The following LPCAT2 variants were observed in gnomAD, a reference collection of about 807,000 sequenced individuals.
LPCAT2 encodes the protein lysophosphatidylcholine acyltransferase 2.
In LPCAT2, 58 loss-of-function variants were observed where a neutral mutation model predicts 64.7. The ratio of observed to expected loss-of-function variants is 0.90; its 90% CI spans 0.73 to 1.12. The LOEUF (loss-of-function observed/expected upper bound fraction) is 1.12, where lower values mean the gene tolerates loss of function less well. Ranked by LOEUF, LPCAT2 falls within the 50% of genes most tolerant of loss-of-function variation. The probability of loss-of-function intolerance (pLI) is 0.00; values close to 1 mark genes in which losing one functional copy is unlikely to be tolerated. For synonymous variants in LPCAT2, 252 were observed against 245.3 expected, an observed-to-expected ratio of 1.03 and a Z score of -0.26; for missense variants, 579 against 669.8, an observed-to-expected ratio of 0.86 and a Z score of 1.50.
At position 55,509,168 on chromosome 16, in the gene LPCAT2, C is replaced by T. The variant is rs1371165481; in HGVS notation, c.-14C>T. ...CGTAGATCGCTTCGGCCGGGTTCTA[C>T]GCCCGGCTCAACTATGAGCCGGTGC... On this transcript the variant is annotated 5_prime_UTR_variant, in exon 1 of 14. The change creates a new upstream start codon in the 5' untranslated region. Coordinates refer to ENST00000262134, the MANE Select transcript of LPCAT2 (RefSeq NM_017839.5). 4 of 1,337,536 alleles carry T rather than the reference C, an allele frequency of 3.0e-6. No individual in the cohort carries two copies. Among genetic ancestry groups the T allele is most frequent in the Non-Finnish European group, 1.9e-6 (2 of 1,039,818 alleles). The allele number at this position is 1,337,536 out of a possible 1,614,324, so 82.9% of individuals were successfully genotyped here. A position where few individuals can be genotyped will look rare whatever the true frequency, so the allele number is the denominator to read the frequency against.
At chr16:55,516,733 T>C (rs1052816802) in intron 1 of LPCAT2, among the ~76,000 whole-genome samples, 1 of 152,074 alleles carries the variant, frequency 6.6e-6, no homozygotes, top group Non-Finnish European at 1.5e-5. Flanking sequence ...GGTAGAACAA[T>C]GAGACAGTAT....
chr16:55,558,160 C>G (rs1380106847), intron 11 of LPCAT2, among the ~76,000 whole-genome samples: 1 of 152,216 alleles, frequency 6.6e-6, no homozygotes, highest in Non-Finnish European at 1.5e-5. Flanking sequence ...TGGTTTAAAA[C>G]AATGACTTCT....
intron 1 of LPCAT2, among the ~76,000 whole-genome samples, chr16:55,517,036 T>C (rs1489322935): frequency 6.6e-6 from 1 of 151,886 alleles, no homozygotes; most frequent in African/African-American, 2.4e-5. Flanking sequence ...AACCAGTGAT[T>C]CCAAAGTAAT....
intron 11 of LPCAT2, chr16:55,567,529 T>G (rs368186212): frequency 6.9e-6 from 11 of 1,599,292 alleles, no homozygotes; most frequent in South Asian, 3.4e-5. Context: ...GTCAAGATCC[T>G]CCCTGGAGGA....
chr16:55,582,768 G>T, intron 13 of LPCAT2, 146 bp from the exon 14 acceptor site: 1 of 594,512 alleles, frequency 1.7e-6, no homozygotes, highest in Non-Finnish European at 2.9e-6. Flanking sequence ...CAAAGTGGTT[G>T]TACAACTTAT....
chr16:55,567,765 G>T, intron 11 of LPCAT2: 1 of 380,662 alleles, frequency 2.6e-6, no homozygotes, highest in Non-Finnish European at 4.9e-6. Flanking sequence ...GGGAGGTTGT[G>T]GGGTAGAGTT....
chr16:55,556,630 T>A (rs1218900409), intron 11 of LPCAT2, among the ~76,000 whole-genome samples: 2 of 151,946 alleles, frequency 1.3e-5, no homozygotes, highest in East Asian at 1.9e-4. Context: ...ACAAAAAAAA[T>A]TAGGTGGGCG....
intron 11 of LPCAT2, among the ~76,000 whole-genome samples, chr16:55,562,751 A>G (rs1314757312): frequency 6.6e-6 from 1 of 151,810 alleles, no homozygotes; most frequent in Non-Finnish European, 1.5e-5. Context: ...CGATATTATT[A>G]TTATCATTTT....
chr16:55,531,854 G>T lies in LPCAT2; in HGVS notation c.643-60G>T. 3 of 1,074,724 alleles carry T rather than the reference G, an allele frequency of 2.8e-6. No homozygotes were observed. The South Asian group carries it at 4.0e-5, about 14-fold the overall frequency. 66.6% of individuals were successfully genotyped at this position (1,074,724 alleles called of 1,614,324 possible). A position where few individuals can be genotyped will look rare whatever the true frequency, so the allele number is the denominator to read the frequency against. On this transcript the variant is annotated intron_variant, in intron 4 of 13. Transcript: ENST00000262134. ...GCTGTTTGTGAAGTCATAAGAAAGC[G>T]AGTAAAGAGGTAATTTATTAATTAG...
In LPCAT2 at chr16:55,583,127, GTAGCTTT is replaced by G; in HGVS notation, c.*31_*37del. On this transcript the variant is annotated 3_prime_UTR_variant, in exon 14 of 14. Coordinates refer to ENST00000262134, the MANE Select transcript of LPCAT2 (RefSeq NM_017839.5). ...CAGTATTTCCAATAAGGAAAACACA[GTAGCTTT>G]TGCTTGAAATTGTAAAGGCACTTAT... 1 of 1,539,834 alleles carries G rather than the reference GTAGCTTT, an allele frequency of 6.5e-7. No homozygotes were observed. The highest frequency in any genetic ancestry group is 8.8e-7 in the Non-Finnish European group (1 of 1,132,158).
At chr16:55,538,737 A>C (rs1963357466) in intron 8 of LPCAT2, 1 of 148,520 alleles carries the variant, frequency 6.7e-6, no homozygotes, top group Admixed American at 6.7e-5. Flanking sequence ...TTTTTCTTAG[A>C]GGTTCCTGGG....
chr16:55,571,786 A>G (rs1963773152), intron 11 of LPCAT2, among the ~76,000 whole-genome samples: 1 of 152,202 alleles, frequency 6.6e-6, no homozygotes, highest in South Asian at 2.1e-4. Context: ...GTTTTGGGGT[A>G]CATTTTATCA....
chr16:55,564,771 C>G (rs1389835314), intron 11 of LPCAT2, among the ~76,000 whole-genome samples: 1 of 151,958 alleles, frequency 6.6e-6, no homozygotes, highest in Non-Finnish European at 1.5e-5. Flanking sequence ...AGCTTCATGA[C>G]ACTGGATTTC....
chr16:55,575,257 A>G (rs1218859199), intron 12 of LPCAT2, among the ~76,000 whole-genome samples: 1 of 152,168 alleles, frequency 6.6e-6, no homozygotes, highest in Admixed American at 6.5e-5. Flanking sequence ...TCACAGCAAT[A>G]CAGGGATCTA....
At position 55,574,645 on chromosome 16, in the gene LPCAT2, C is replaced by A; in HGVS notation, c.1230C>A (p.Ser410Arg). 1 of 1,612,868 alleles carries A rather than the reference C, an allele frequency of 6.2e-7. No homozygotes were observed. ...FALFDRNHDG[S>R]IDFREYVIGL... The stretch of plus-strand genomic sequence containing the variant: ...TCCTTTCACAGAACCATGATGGCAG[C>A]ATTGACTTCCGAGAGTATGTGATTG... The change falls in exon 12 of 14, where the codon AGC becomes AGA. Residue 410 changes from serine (S) to arginine (R), a missense_variant. Physicochemically the swap from Ser to Arg is moderately radical, Grantham distance 110. Coordinates refer to ENST00000262134, the MANE Select transcript of LPCAT2 (RefSeq NM_017839.5).
At chr16:55,534,406 C>T (rs770687507) in intron 6 of LPCAT2, 37 bp from the exon 7 acceptor site, 2 of 1,355,138 alleles carry the variant, frequency 1.5e-6, no homozygotes, top group Admixed American at 1.8e-5. Context: ...AGTATTTTTC[C>T]TCCAGACCAA....
Position 55,509,337 on chromosome 16 carries a change from C to T in LPCAT2, c.156C>T (p.Ser52=). 1 of 1,439,234 alleles carries T rather than the reference C, an allele frequency of 6.9e-7. No individual in the cohort carries two copies. Among genetic ancestry groups the T allele is most frequent in the Non-Finnish European group, 9.2e-7 (1 of 1,084,640 alleles). The allele number at this position is 1,439,234 out of a possible 1,614,324, so 89.2% of individuals were successfully genotyped here. The change falls in exon 1 of 14, where the codon TCC becomes TCT. Residue 52 remains serine, a synonymous_variant. Coordinates refer to ENST00000262134, the MANE Select transcript of LPCAT2 (RefSeq NM_017839.5). ...NPFVQQTQIG[S]ARRVQIVLLG... ...TCGTGCAGCAGACGCAGATCGGCTC[C>T]GCGAGGCGGGTCCAGGTGAGGGGCG...
chr16:55,550,851 T>C (rs1963508214), intron 10 of LPCAT2, 98 bp from the exon 11 acceptor site: 1 of 1,021,418 alleles, frequency 9.8e-7, no homozygotes, highest in Non-Finnish European at 1.4e-6. Context: ...ACTTAAAATA[T>C]TTTTCTCCCA....
At chr16:55,540,314 C>G (rs1277260095) in intron 8 of LPCAT2, 1 of 152,118 alleles carries the variant, frequency 6.6e-6, no homozygotes, top group Non-Finnish European at 1.5e-5. Flanking sequence ...CAGAATGGTT[C>G]TACTAAAAGT....
Sources: gnomAD v4.1 joint callset for allele counts (sites outside exome capture counted in the v4.1 genomes callset) on GRCh38, gnomAD v4.1.1 for gene constraint, MANE v1.5 for transcripts, NCBI Gene and HGNC (gene_info 2026-07-23, HGNC 2026-07-21) for gene names.